Variants in HDLBP observed in about 807,000 individuals in gnomAD.
HDLBP encodes vigilin.
HDLBP carries 30 observed loss-of-function variants against 137.3 expected under a neutral mutation model. The ratio of observed to expected loss-of-function variants is 0.22; its 90% confidence interval spans 0.16 to 0.30. The LOEUF (loss-of-function observed/expected upper bound fraction) is 0.30, where lower values mean the gene tolerates loss of function less well. Ranked by LOEUF, HDLBP falls within the 10% of genes least tolerant of loss-of-function variation. The pLI, the probability that HDLBP is intolerant of heterozygous loss-of-function variation, is 1.00. For missense variants in HDLBP, 1,119 were observed against 1,667.3 expected (o/e 0.67, Z 5.73); for synonymous variants, 606 against 596.0 (o/e 1.02, Z -0.24).
At chr2:241,288,247 AT>A (rs1393275884) in intron 1 of HDLBP, among the ~76,000 whole-genome samples, 1 of 151,914 alleles carries the variant, frequency 6.6e-6, no homozygotes. Flanking sequence ...CTGAATTAAA[AT>A]TTTTTTTTGT....
At position 241,266,907 on chromosome 2, in the gene HDLBP, C is replaced by A; in HGVS notation, c.-37-1G>T. 1 of 1,604,968 alleles carries A rather than the reference C, an allele frequency of 6.2e-7. No individual in the cohort carries two copies. Among genetic ancestry groups the A allele is most frequent in the Non-Finnish European group, 8.5e-7 (1 of 1,171,618 alleles). Reference sequence around the variant, plus strand: ...ACCTACACACAATCCGGGAAAACCACTAAAGCAAAGAAGAATAAATCAGAA... The same window carrying A: ...ACCTACACACAATCCGGGAAAACCAATAAAGCAAAGAAGAATAAATCAGAA... On this transcript the variant is annotated splice_acceptor_variant, in intron 2 of 27. Coordinates refer to ENST00000310931, the MANE Select transcript of HDLBP (RefSeq NM_005336.6). LOFTEE classifies it low-confidence loss of function (5UTR_SPLICE).
rs370555184 is a variant in HDLBP, at chr2:241,241,656, G to A, written c.2169+804C>T. The stretch of plus-strand genomic sequence containing the variant: ...TACATGAGCTTTATTTAGCAGCCTC[G>A]TGAAGGTCAACATACAAAAACCACA... On this transcript the variant is annotated intron_variant, in intron 17 of 27. Transcript: ENST00000310931. Among the ~76,000 whole-genome samples the A allele has an allele frequency of 1.8e-3, 268 of 144,986 alleles. 1 individual carries two copies. Among genetic ancestry groups the A allele is most frequent in the African/African-American group, 6.3e-3 (248 of 39,128 alleles).
intron 1 of HDLBP, among the ~76,000 whole-genome samples, chr2:241,296,738 G>A (rs1281801575): frequency 6.6e-6 from 1 of 152,192 alleles, no homozygotes; most frequent in Non-Finnish European, 1.5e-5. Context: ...GGGGAAAAAA[G>A]ACTACTCAAC....
At chr2:241,295,143 C>T (rs1254982828) in intron 1 of HDLBP, among the ~76,000 whole-genome samples, 5 of 152,160 alleles carry the variant, frequency 3.3e-5, no homozygotes, top group African/African-American at 1.2e-4. Flanking sequence ...GGCTGACCGA[C>T]GACCATTTCA....
intron 12 of HDLBP, chr2:241,249,276 G>A (rs2071924752): frequency 2.1e-6 from 1 of 469,794 alleles, no homozygotes; most frequent in Admixed American, 2.4e-5. Flanking sequence ...CCAAAGTGCT[G>A]CTGCAGGCAC....
Position 241,230,835 on chromosome 2 carries a change from G to A in HDLBP, c.3398C>T (p.Pro1133Leu), listed in dbSNP as rs368440496. Reference sequence around the variant, plus strand: ...GCGGGCGTGAACGCGGTGGTCCAGCGGGACGTCCTCAGAAACCATCTGCTC... The same window carrying A: ...GCGGGCGTGAACGCGGTGGTCCAGCAGGACGTCCTCAGAAACCATCTGCTC... ...ELEQMVSEDVPLDHRVHARII... is the reference protein window; with the variant it reads ...ELEQMVSEDVLLDHRVHARII... Residue 1133 changes from proline (P) to leucine (L), a missense_variant, in exon 25 of 28, where the codon CCG becomes CTG. Coordinates refer to ENST00000310931, the MANE Select transcript of HDLBP (RefSeq NM_005336.6). This position sits in a 1 kb window ranked among gnomAD's most constrained non-coding sequence, Gnocchi z 5.0. The A allele has an allele frequency of 1.6e-5, 26 of 1,614,044 alleles. No individual in the cohort carries two copies. The highest frequency in any genetic ancestry group is 1.6e-4 in the Middle Eastern group (1 of 6,084).
intron 1 of HDLBP, among the ~76,000 whole-genome samples, chr2:241,300,802 G>A (rs1054371164): frequency 1.7e-4 from 26 of 152,148 alleles, no homozygotes; most frequent in Non-Finnish European, 2.9e-5. Flanking sequence ...TGCTGAGCTC[G>A]TTGTGCAGAC....
rs553324655 is a variant in HDLBP at position 241,263,856 on chromosome 2, G to A, written c.234+592C>T. On this transcript the variant is annotated intron_variant, in intron 4 of 27. Transcript: ENST00000310931. ...ATCTGACAAACACTGCCTGCAAAAC[G>A]ACCACGTGCCTGTCCTACTGAGTGC... 3.4e-4 allele frequency among the ~76,000 whole-genome samples: 52 copies of A among 152,196 alleles called. 2 individuals are homozygous for A. The South Asian group carries it at 0.011, about 31-fold the overall frequency.
chr2:241,268,515 C>T lies in HDLBP; in HGVS notation c.-76G>A. The T allele has an allele frequency of 1.0e-6, 1 of 985,762 alleles. No homozygotes were observed. The highest frequency in any genetic ancestry group is 1.1e-4 in the East Asian group (1 of 8,822). The allele number at this position is 985,762 out of a possible 1,614,324, so 61.1% of individuals were successfully genotyped here. A position where few individuals can be genotyped will look rare whatever the true frequency, so the allele number is the denominator to read the frequency against. On this transcript the variant is annotated 5_prime_UTR_variant, in exon 2 of 28. Coordinates refer to ENST00000310931, the MANE Select transcript of HDLBP (RefSeq NM_005336.6). ...AGTAGCCAGAAGGTCCGTCCTGAGGCCGCCTCTGTCAGCCTGCCAGCTTTT... is the reference window on the plus strand; with the variant it reads ...AGTAGCCAGAAGGTCCGTCCTGAGGTCGCCTCTGTCAGCCTGCCAGCTTTT...
chr2:241,287,149 T>C (rs1575024591), intron 1 of HDLBP, among the ~76,000 whole-genome samples: 1 of 152,192 alleles, frequency 6.6e-6, no homozygotes, highest in Admixed American at 6.6e-5. Context: ...CTCACTCTAC[T>C]GCCCAGGCTG....
chr2:241,267,830 G>A, intron 2 of HDLBP: 3 of 1,447,064 alleles, frequency 2.1e-6, no homozygotes, highest in Non-Finnish European at 2.7e-6. Flanking sequence ...GTGTGGGACA[G>A]AACTCGCACA....
At position 241,299,386 on chromosome 2, in the gene HDLBP, G is replaced by A. The variant is rs141196672; in HGVS notation, c.-103+16184C>T. ...ACAAAAATTAGCCAGGCATGGTGGC[G>A]TGCATCTGTAGTACCAGCTACTCGG... is the stretch of plus-strand genomic sequence containing the variant. On this transcript the variant is annotated intron_variant, in intron 1 of 27. Coordinates refer to ENST00000310931, the MANE Select transcript of HDLBP (RefSeq NM_005336.6). Among the ~76,000 whole-genome samples, 792 of 151,244 alleles carry A rather than the reference G, an allele frequency of 5.2e-3. 4 individuals are homozygous for A. Among genetic ancestry groups the A allele is most frequent in the African/African-American group, 0.018 (742 of 41,218 alleles).
chr2:241,294,935 T>C (rs1471416459), intron 1 of HDLBP, among the ~76,000 whole-genome samples: 1 of 152,062 alleles, frequency 6.6e-6, no homozygotes, highest in Non-Finnish European at 1.5e-5. Flanking sequence ...ACCCCATCTC[T>C]ACTAAAAACA....
chr2:241,282,322 CA>C (rs1263663316), intron 1 of HDLBP, among the ~76,000 whole-genome samples: 1 of 152,040 alleles, frequency 6.6e-6, no homozygotes, highest in Non-Finnish European at 1.5e-5. Context: ...CTCAGTTTGG[CA>C]AAAATAAAAT....
chr2:241,235,145 C>G lies in HDLBP; in HGVS notation c.3120G>C (p.Glu1040Asp). The change falls in exon 23 of 28, where the codon GAG becomes GAC. Residue 1040 changes from glutamate (E) to aspartate (D), a missense_variant. Transcript: ENST00000310931. ...AKAGLLERVK[E>D]LQAEQEDRAL... ...CCCGGTCCTCCTGCTCGGCCTGTAG[C>G]TCCTTCACACGCTCCAGCAGTCCAG... 6.2e-7 allele frequency: 1 copy of G among 1,613,884 alleles called. No individual in the cohort carries two copies.
chr2:241,270,849 A>T, intron 1 of HDLBP: 1 of 437,630 alleles, frequency 2.3e-6, no homozygotes, highest in South Asian at 9.6e-5. Context: ...TACCTTGGGC[A>T]GGCCTAGATA....
intron 20 of HDLBP, among the ~76,000 whole-genome samples, 159 bp from the exon 21 acceptor site, chr2:241,236,928 G>A (rs2070558932): frequency 1.4e-5 from 2 of 147,888 alleles, no homozygotes; most frequent in Admixed American, 1.4e-4. Flanking sequence ...TGGTCAGGGA[G>A]AGCAGATAGG....
At position 241,268,079 on chromosome 2, in the gene HDLBP, T is replaced by C. The variant is rs781516855; in HGVS notation, c.-38+398A>G. The C allele has an allele frequency of 5.4e-6, 3 of 551,294 alleles. No homozygotes were observed. In the Admixed American group the frequency reaches 1.9e-4, roughly 35 times the overall value. The allele number at this position is 551,294 out of a possible 1,614,324, so 34.2% of individuals were successfully genotyped here. A position where few individuals can be genotyped will look rare whatever the true frequency, so the allele number is the denominator to read the frequency against. On this transcript the variant is annotated intron_variant, in intron 2 of 27. Transcript: ENST00000310931. ...TTTTCTTTACACAATTACGCATCAA[T>C]TACTCGCACAACAAGGCCAAGTAAT...
chr2:241,308,045 A>G (rs1219795045), intron 1 of HDLBP, among the ~76,000 whole-genome samples: 1 of 152,240 alleles, frequency 6.6e-6, no homozygotes, highest in Non-Finnish European at 1.5e-5. Flanking sequence ...GAGTTTAACT[A>G]GTTACACTCA....
Sources: allele counts gnomAD v4.1 joint callset (sites outside exome capture counted in the v4.1 genomes callset), GRCh38; gene constraint gnomAD v4.1.1; non-coding constraint Gnocchi (gnomAD v3.1); transcripts MANE v1.5; gene names NCBI Gene and HGNC (gene_info 2026-07-23, HGNC 2026-07-21).